Variants in ULK4 observed in about 807,000 individuals in gnomAD.
ULK4 encodes unc-51 like kinase 4.
A neutral mutation model predicts 160.6 loss-of-function variants in ULK4; 133 were observed. The ratio of observed to expected loss-of-function variants is 0.83; its 90% CI spans 0.72 to 0.96. ULK4 has a LOEUF of 0.96. Among genes scored for constraint, ULK4 ranks in the 40% least tolerant of loss-of-function variants. The pLI, the probability that ULK4 is intolerant of heterozygous loss-of-function variation, is 0.00. For synonymous variants in ULK4, 534 were observed against 539.8 expected, an observed-to-expected ratio of 0.99 and a Z score of 0.15; for missense variants, 1,580 against 1,499.5, an observed-to-expected ratio of 1.05 and a Z score of -0.89.
intron 22 of ULK4, among the ~76,000 whole-genome samples, chr3:41,741,799 A>T (rs2038247525): frequency 6.6e-6 from 1 of 152,038 alleles, no homozygotes; most frequent in Non-Finnish European, 1.5e-5. Context: ...ATGGAGTAGG[A>T]TCAAAACAAA....
chr3:41,646,836 G>A (rs1292294912), intron 30 of ULK4, among the ~76,000 whole-genome samples: 2 of 152,206 alleles, frequency 1.3e-5, no homozygotes, highest in Non-Finnish European at 2.9e-5. Context: ...ACACCAATCA[G>A]ATACAGATTT....
At chr3:41,833,946 G>T (rs190747824) in intron 18 of ULK4, among the ~76,000 whole-genome samples, 85 of 152,166 alleles carry the variant, frequency 5.6e-4, no homozygotes, top group African/African-American at 1.9e-3. Context: ...TGAAAAAAGT[G>T]AGTTTCTACC....
intron 35 of ULK4, among the ~76,000 whole-genome samples, chr3:41,276,228 T>C (rs137942532): frequency 2.6e-5 from 4 of 152,320 alleles, no homozygotes; most frequent in African/African-American, 9.6e-5. Flanking sequence ...AGGAACACAT[T>C]TGGCACCCTT....
In ULK4 at chr3:41,373,291, T is replaced by C. The variant is rs192763273; in HGVS notation, c.3678+24788A>G. Among the ~76,000 whole-genome samples, 24 of 152,278 alleles carry C rather than the reference T, an allele frequency of 1.6e-4. No individual in the cohort carries two copies. The East Asian group carries it at 4.3e-3, about 27-fold the overall frequency. Reference sequence around the variant, plus strand: ...TCAGCTAGGGACCAAGCAGACCTAATAGACCTCTACAGAACTTGCCACCCC... The same window carrying C: ...TCAGCTAGGGACCAAGCAGACCTAACAGACCTCTACAGAACTTGCCACCCC... On this transcript the variant is annotated intron_variant, in intron 35 of 36. Coordinates refer to ENST00000301831, the MANE Select transcript of ULK4 (RefSeq NM_017886.4).
chr3:41,569,137 T>A (rs1156654967), intron 31 of ULK4, among the ~76,000 whole-genome samples: 1 of 152,226 alleles, frequency 6.6e-6, no homozygotes, highest in African/African-American at 2.4e-5. Flanking sequence ...TATTCAGCTA[T>A]CTGGAAGTTC....
At chr3:41,801,653 C>G (rs1048121395) in intron 19 of ULK4, among the ~76,000 whole-genome samples, 11 of 151,932 alleles carry the variant, frequency 7.2e-5, no homozygotes, top group Admixed American at 7.2e-4. Flanking sequence ...AGTTCAAGAC[C>G]AGCATGGGCA....
intron 35 of ULK4, among the ~76,000 whole-genome samples, chr3:41,392,124 C>T (rs758981470): frequency 6.6e-6 from 1 of 152,100 alleles, no homozygotes; most frequent in African/African-American, 2.4e-5. Context: ...CCTGGGAAAA[C>T]TCCCATTGAT....
intron 30 of ULK4, among the ~76,000 whole-genome samples, chr3:41,622,829 G>GT (rs2033322028): frequency 6.6e-6 from 1 of 151,982 alleles, no homozygotes; most frequent in African/African-American, 2.4e-5. Context: ...GATTTTTTCC[G>GT]TAACAGTCCA....
chr3:41,863,729 A>G (rs2042557351), intron 17 of ULK4, among the ~76,000 whole-genome samples: 1 of 151,850 alleles, frequency 6.6e-6, no homozygotes, highest in Non-Finnish European at 1.5e-5. Flanking sequence ...AGGGTGTTCT[A>G]GAAATACCAT....
intron 32 of ULK4, among the ~76,000 whole-genome samples, chr3:41,506,771 T>TATATATAAATATAC (rs1559658115): frequency 3.8e-5 from 1 of 26,336 alleles, no homozygotes; most frequent in Non-Finnish European, 7.1e-5. Context: ...ATTTAAAATA[T>TATATATAAATATAC]ATATATATAT....
At chr3:41,291,439 A>G (rs1020612890) in intron 35 of ULK4, among the ~76,000 whole-genome samples, 9 of 112,522 alleles carry the variant, frequency 8.0e-5, no homozygotes, top group African/African-American at 1.3e-4. Flanking sequence ...AAGGAGAGAG[A>G]AGGAGGAGAG....
chr3:41,857,548 T>C (rs1379945854), intron 17 of ULK4, among the ~76,000 whole-genome samples: 1 of 152,204 alleles, frequency 6.6e-6, no homozygotes, highest in African/African-American at 2.4e-5. Flanking sequence ...ATCAGTTGGT[T>C]CTGCTTTAAA....
chr3:41,334,664 G>C (rs917024486), intron 35 of ULK4, among the ~76,000 whole-genome samples: 1 of 152,166 alleles, frequency 6.6e-6, no homozygotes, highest in African/African-American at 2.4e-5. Context: ...CAGGAAGTCT[G>C]CTTGTGAGGC....
chr3:41,728,861 C>T (rs1330765530), intron 22 of ULK4, among the ~76,000 whole-genome samples: 1 of 152,056 alleles, frequency 6.6e-6, no homozygotes, highest in Non-Finnish European at 1.5e-5. Context: ...TATGTATACA[C>T]ATATATAATG....
At chr3:41,843,375 C>G (rs112736802) in intron 17 of ULK4, among the ~76,000 whole-genome samples, 1 of 152,280 alleles carries the variant, frequency 6.6e-6, no homozygotes, top group East Asian at 1.9e-4. Context: ...CTTGGTCTCA[C>G]TGACTTCAAG....
chr3:41,405,726 G>A (rs2082280403), intron 34 of ULK4, among the ~76,000 whole-genome samples: 3 of 152,080 alleles, frequency 2.0e-5, no homozygotes. Context: ...GACTAATTAT[G>A]TGGAGCACTT....
chr3:41,821,119 G>T (rs776514289), intron 18 of ULK4, among the ~76,000 whole-genome samples: 1 of 151,980 alleles, frequency 6.6e-6, no homozygotes, highest in African/African-American at 2.4e-5. Context: ...TTAGAATCCC[G>T]TACCCATCAT....
At chr3:41,947,907 A>G (rs1200988731) in intron 2 of ULK4, among the ~76,000 whole-genome samples, 2 of 152,162 alleles carry the variant, frequency 1.3e-5, no homozygotes, top group African/African-American at 2.4e-5. Flanking sequence ...GAGTGAATGA[A>G]TCTTGGAAAA....
chr3:41,312,659 ACAAAC>A (rs2080073761), intron 35 of ULK4, among the ~76,000 whole-genome samples: 1 of 151,604 alleles, frequency 6.6e-6, no homozygotes, highest in African/African-American at 2.4e-5. Flanking sequence ...AAACAAACAA[ACAAAC>A]AAAAAAACAT....
Sources: gnomAD v4.1 joint callset for allele counts (sites outside exome capture counted in the v4.1 genomes callset) on GRCh38, gnomAD v4.1.1 for gene constraint, MANE v1.5 for transcripts, NCBI Gene and HGNC (gene_info 2026-07-23, HGNC 2026-07-21) for gene names.